ZFP37: variants seen among roughly 807,000 people sequenced by gnomAD.
The protein encoded by ZFP37 is zinc finger protein 37 homolog.
Under a neutral mutation model 52.1 loss-of-function variants are expected in ZFP37, and 38 were observed. The ratio of observed to expected loss-of-function variants is 0.73; its 90% CI spans 0.56 to 0.96. The LOEUF is 0.96. Among genes scored for constraint, ZFP37 ranks in the 40% least tolerant of loss-of-function variants. The probability of loss-of-function intolerance (pLI) is 0.00; values close to 1 mark genes in which losing one functional copy is unlikely to be tolerated. For synonymous variants in ZFP37, 253 were observed against 259.5 expected, an observed-to-expected ratio of 0.98 and a Z score of 0.24; for missense variants, 695 against 741.4, an observed-to-expected ratio of 0.94 and a Z score of 0.73.
chr9:113,055,238 T>G (rs1193395163), intron 1 of ZFP37, among the ~76,000 whole-genome samples: 2 of 152,190 alleles, frequency 1.3e-5, no homozygotes, highest in Non-Finnish European at 2.9e-5. Context: ...TTGTGATGAT[T>G]TATGCCTCAA....
chr9:113,056,412 C>T (rs1166303691), intron 1 of ZFP37, 145 bp downstream of exon 1: 25 of 1,374,226 alleles, frequency 1.8e-5, no homozygotes, highest in Non-Finnish European at 2.5e-5. Flanking sequence ...CCACAGATAA[C>T]TCAGAACACC....
chr9:113,054,400 T>C (rs746536698), intron 1 of ZFP37, among the ~76,000 whole-genome samples: 1 of 152,134 alleles, frequency 6.6e-6, no homozygotes, highest in Non-Finnish European at 1.5e-5. Flanking sequence ...TCCCTATCTG[T>C]CTTCTCTTCC....
At chr9:113,051,160 T>G (rs1829050394) in intron 1 of ZFP37, among the ~76,000 whole-genome samples, 1 of 152,098 alleles carries the variant, frequency 6.6e-6, no homozygotes, top group Non-Finnish European at 1.5e-5. Context: ...ATACAACCAG[T>G]AAAATGTCTA....
Position 113,052,704 on chromosome 9 carries a change from T to C in ZFP37, c.133-2832A>G, listed in dbSNP as rs1307317636. Among the ~76,000 whole-genome samples, 1 of 152,172 alleles carries C rather than the reference T, an allele frequency of 6.6e-6. No homozygotes were observed. Among genetic ancestry groups the C allele is most frequent in the Admixed American group, 6.5e-5 (1 of 15,278 alleles). On this transcript the variant is annotated intron_variant, in intron 1 of 3. Transcript: ENST00000374227. The surrounding 1 kb of genome is among the most constrained non-coding windows in gnomAD (Gnocchi z 4.1). ...GGGGGCTGGTCAAGTAGGCACTCTC[T>C]GCCTGCATGTACAAAAATTCCAGAC... is the stretch of plus-strand genomic sequence containing the variant.
chr9:113,047,950 A>G (rs1828988525), intron 3 of ZFP37, among the ~76,000 whole-genome samples: 1 of 152,254 alleles, frequency 6.6e-6, no homozygotes, highest in Non-Finnish European at 1.5e-5. Flanking sequence ...TTTTATTTGC[A>G]CAATGAATAA....
chr9:113,047,145 G>T (rs1828971927), intron 3 of ZFP37, among the ~76,000 whole-genome samples: 1 of 151,548 alleles, frequency 6.6e-6, no homozygotes, highest in Non-Finnish European at 1.5e-5. Context: ...ACCAAGAAGA[G>T]AGTCACTGTA....
At chr9:113,051,026 G>T (rs1030607533) in intron 1 of ZFP37, among the ~76,000 whole-genome samples, 2 of 151,970 alleles carry the variant, frequency 1.3e-5, no homozygotes, top group Non-Finnish European at 2.9e-5. Flanking sequence ...AAGGGGGAAG[G>T]GGAGGAGAAA....
intron 3 of ZFP37, among the ~76,000 whole-genome samples, chr9:113,049,055 A>C (rs1391365300): frequency 1.3e-5 from 2 of 152,210 alleles, no homozygotes; most frequent in Admixed American, 1.3e-4. Flanking sequence ...TCAGGGGCTC[A>C]TTCCTTCATG....
rs150457868 is a variant in ZFP37, at chr9:113,042,951, T to C, written c.1667A>G (p.Gln556Arg). The C allele has an allele frequency of 1.9e-6, 3 of 1,613,906 alleles. No homozygotes were observed. Among genetic ancestry groups the C allele is most frequent in the African/African-American group, 2.7e-5 (2 of 75,052 alleles). ...CTGATGTACAATGAGGTGAGACTTT[T>C]GGCTAAAGGCTTTCCCACATTCATT... Reference protein sequence around the residue: ...ECNECGKAFSQKSHLIVHQRT... With the variant: ...ECNECGKAFSRKSHLIVHQRT... Residue 556 changes from glutamine to arginine, a missense_variant, in exon 4 of 4, where the codon CAA becomes CGA. Around this residue, in one of 2 missense-constraint regions of ZFP37, gnomAD observed 326 missense variants for 400.5 expected, o/e 0.81. Coordinates refer to ENST00000374227, the MANE Select transcript of ZFP37 (RefSeq NM_003408.3).
Position 113,049,863 on chromosome 9 carries a change from G to T in ZFP37, c.142C>A (p.Gln48Lys), listed in dbSNP as rs753655983. The T allele has an allele frequency of 1.9e-6, 3 of 1,613,898 alleles. No homozygotes were observed. Among genetic ancestry groups the T allele is most frequent in the Admixed American group, 1.7e-5 (1 of 59,992 alleles). Residue 48 changes from glutamine to lysine, a missense_variant, in exon 2 of 4, where the codon CAA becomes AAA. This residue lies in a region of ZFP37 where 369 missense variants were observed against 340.9 expected (regional missense o/e 1.08). Transcript: ENST00000374227. ...AGGTTGCTCTGAGCAGGATCCAGTTGCTTCCATTCCTTCTGGGTAAAGGCC... is the reference window on the plus strand; with the variant it reads ...AGGTTGCTCTGAGCAGGATCCAGTTTCTTCCATTCCTTCTGGGTAAAGGCC... Reference protein sequence around the residue: ...EPEASAAEWKQLDPAQSNLYN... With the variant: ...EPEASAAEWKKLDPAQSNLYN...
rs1054079752 is a variant in ZFP37 at position 113,040,370 on chromosome 9, C to T, written c.*2355G>A. ...GTGATGACTCATTCTGTGCATAGTG[C>T]TATATTTCCACTTGTTAAGAAATTA... On this transcript the variant is annotated 3_prime_UTR_variant, in exon 4 of 4. Transcript: ENST00000374227. 1 of 152,202 alleles carries T rather than the reference C, an allele frequency of 6.6e-6. No homozygotes were observed. Among genetic ancestry groups the T allele is most frequent in the African/African-American group, 2.4e-5 (1 of 41,454 alleles). The allele number at this position is 152,202 out of a possible 1,614,324, so 9.4% of individuals were successfully genotyped here.
rs10817437 is a variant in ZFP37, at chr9:113,052,193, C to T, written c.133-2321G>A. On this transcript the variant is annotated intron_variant, in intron 1 of 3. Transcript: ENST00000374227. This position sits in a 1 kb window ranked among gnomAD's most constrained non-coding sequence, Gnocchi z 4.1. ...AGCCACTCCCTTCATTTGCATGCTT[C>T]ACCTGAAATCTACCTGTCTCCTGAG... 0.22 allele frequency among the ~76,000 whole-genome samples: 33,960 copies of T among 152,104 alleles called. 4,233 individuals carry two copies. Among genetic ancestry groups the T allele is most frequent in the East Asian group, 0.42 (2,192 of 5,166 alleles).
rs912330170 is a variant in ZFP37 at position 113,040,066 on chromosome 9, C to T, written c.*2659G>A. On this transcript the variant is annotated 3_prime_UTR_variant, in exon 4 of 4. Coordinates refer to ENST00000374227, the MANE Select transcript of ZFP37 (RefSeq NM_003408.3). ...TTTATGCACACTAGAGTTTACGTAT[C>T]GATTCAGACTTACCACTGTGTGTCT... is the stretch of plus-strand genomic sequence containing the variant. 1 of 152,212 alleles carries T rather than the reference C, an allele frequency of 6.6e-6. No individual in the cohort carries two copies. The highest frequency in any genetic ancestry group is 2.4e-5 in the African/African-American group (1 of 41,454). The allele number at this position is 152,212 out of a possible 1,614,324, so 9.4% of individuals were successfully genotyped here.
chr9:113,041,506 A>G lies in ZFP37; in HGVS notation c.*1219T>C, dbSNP rs1343435440. On this transcript the variant is annotated 3_prime_UTR_variant, in exon 4 of 4. Transcript: ENST00000374227. ...TAGTTCTTTGAATATGAGATAAAAC[A>G]GGGTGATTATTCATAAAATCACTTT... 2 of 152,216 alleles carry G rather than the reference A, an allele frequency of 1.3e-5. No individual in the cohort carries two copies. Among genetic ancestry groups the G allele is most frequent in the Admixed American group, 6.5e-5 (1 of 15,282 alleles). The allele number at this position is 152,216 out of a possible 1,614,324, so 9.4% of individuals were successfully genotyped here.
chr9:113,046,218 A>ATG (rs1408827970), intron 3 of ZFP37, among the ~76,000 whole-genome samples: 5 of 35,350 alleles, frequency 1.4e-4, no homozygotes, highest in East Asian at 1.6e-3. Context: ...ATATCTATAT[A>ATG]TAGACATATA....
At chr9:113,056,170 C>T (rs1239368467) in intron 1 of ZFP37, among the ~76,000 whole-genome samples, 1 of 152,136 alleles carries the variant, frequency 6.6e-6, no homozygotes, top group African/African-American at 2.4e-5. Flanking sequence ...CTAACACTGA[C>T]CCTCTTTGAT....
chr9:113,043,172 A>G lies in ZFP37; in HGVS notation c.1446T>C (p.Thr482=), dbSNP rs774137387. Residue 482 remains threonine (T), a synonymous_variant, in exon 4 of 4, where the codon ACT becomes ACC. Coordinates refer to ENST00000374227, the MANE Select transcript of ZFP37 (RefSeq NM_003408.3). ...ATTTATAAGGTTTCTCCTTAGTATG[A>G]GTTCTTTGATGTATAATGAGGTGTG... ...KKSHLIIHQR[T]HTKEKPYKCN... 1 of 1,613,830 alleles carries G rather than the reference A, an allele frequency of 6.2e-7. No homozygotes were observed. Among genetic ancestry groups the G allele is most frequent in the Admixed American group, 1.7e-5 (1 of 59,944 alleles).
chr9:113,043,123 C>T lies in ZFP37; in HGVS notation c.1495G>A (p.Gly499Arg). ...YKCNECGKAF[G>R]HSSSLTYHMR... ...TGGTAAGTAAGAGATGAGCTATGTC[C>T]AAAGGCTTTTCCACACTCATTACAT... Residue 499 changes from glycine (G) to arginine (R), a missense_variant, in exon 4 of 4, where the codon GGA becomes AGA. Gly to Arg is a moderately radical substitution (Grantham distance 125, BLOSUM62 -2). Around this residue, in one of 2 missense-constraint regions of ZFP37, gnomAD observed 326 missense variants for 400.5 expected, o/e 0.81. Coordinates refer to ENST00000374227, the MANE Select transcript of ZFP37 (RefSeq NM_003408.3). 1 of 1,613,502 alleles carries T rather than the reference C, an allele frequency of 6.2e-7. No individual in the cohort carries two copies. Among genetic ancestry groups the T allele is most frequent in the Non-Finnish European group, 8.5e-7 (1 of 1,179,910 alleles).
chr9:113,047,538 C>G (rs1007892831), intron 3 of ZFP37, among the ~76,000 whole-genome samples: 1 of 152,056 alleles, frequency 6.6e-6, no homozygotes, highest in East Asian at 1.9e-4. Context: ...CTGCTTGAGA[C>G]CAGCAGTTCA....
Sources: gnomAD v4.1 joint callset for allele counts (sites outside exome capture counted in the v4.1 genomes callset) on GRCh38, gnomAD v4.1.1 for gene constraint, gnomAD v4.1.1 regional missense constraint, Gnocchi (gnomAD v3.1) non-coding constraint, MANE v1.5 for transcripts, NCBI Gene and HGNC (gene_info 2026-07-23, HGNC 2026-07-21) for gene names.